The following NRG3 variants were observed in gnomAD, a reference collection of about 807,000 sequenced individuals.
NRG3 encodes pro-neuregulin-3, membrane-bound isoform.
NRG3 carries 31 observed loss-of-function variants against 66.9 expected under a neutral mutation model. The ratio of observed to expected loss-of-function variants is 0.46; its 90% CI spans 0.35 to 0.63. The LOEUF (loss-of-function observed/expected upper bound fraction) is 0.63, where lower values mean the gene tolerates loss of function less well. Ranked by LOEUF, NRG3 falls within the 20% of genes least tolerant of loss-of-function variation. NRG3 has a pLI of 0.00. For synonymous variants in NRG3, 393 were observed against 359.4 expected (o/e 1.09, Z -1.06); for missense variants, 910 against 878.9 (o/e 1.04, Z -0.45).
intron 2 of NRG3, among the ~76,000 whole-genome samples, chr10:82,623,959 TC>T (rs1390444585): frequency 6.6e-6 from 1 of 152,072 alleles, no homozygotes; most frequent in Admixed American, 6.6e-5. Context: ...ACTTTCAAAC[TC>T]CTCCTTGCCC....
At chr10:82,761,922 CTCTTTCTTTCTT>C (rs140350240) in intron 3 of NRG3, among the ~76,000 whole-genome samples, 3,923 of 123,818 alleles carry the variant, frequency 0.032, 85 homozygotes, top group African/African-American at 0.048. Flanking sequence ...TTCTTTCTTT[CTCTTTCTTTCTT>C]TCTTTCTTTC....
intron 1 of NRG3, among the ~76,000 whole-genome samples, chr10:82,345,162 G>A (rs1245687789): frequency 7.0e-6 from 1 of 142,196 alleles, no homozygotes; most frequent in African/African-American, 3.0e-5. Flanking sequence ...GAATGGTAAT[G>A]CCTAGGTTTT....
intron 2 of NRG3, among the ~76,000 whole-genome samples, chr10:82,418,891 A>G (rs1328917069): frequency 1.3e-5 from 2 of 152,144 alleles, no homozygotes; most frequent in Non-Finnish European, 2.9e-5. Flanking sequence ...ACTTAAAAAT[A>G]ACATAAATCA....
At chr10:82,687,361 T>A (rs2054591391) in intron 2 of NRG3, among the ~76,000 whole-genome samples, 1 of 152,126 alleles carries the variant, frequency 6.6e-6, no homozygotes, top group African/African-American at 2.4e-5. Flanking sequence ...CTGCTTGTAA[T>A]TATTCTTCAT....
At chr10:82,600,817 G>C (rs1374161287) in intron 2 of NRG3, among the ~76,000 whole-genome samples, 1 of 151,806 alleles carries the variant, frequency 6.6e-6, no homozygotes, top group African/African-American at 2.4e-5. Flanking sequence ...GATTTATGGG[G>C]TACGTGTGCA....
intron 4 of NRG3, among the ~76,000 whole-genome samples, chr10:82,948,731 T>G (rs1013195818): frequency 6.6e-6 from 1 of 152,144 alleles, no homozygotes; most frequent in Non-Finnish European, 1.5e-5. Context: ...TGATGTACAT[T>G]TATTTTTGTA....
intron 1 of NRG3, among the ~76,000 whole-genome samples, chr10:82,350,037 G>A (rs2083330862): frequency 6.6e-6 from 1 of 152,116 alleles, no homozygotes; most frequent in South Asian, 2.1e-4. Flanking sequence ...CGTCGCTCAC[G>A]CTGGGAGCTG....
At chr10:82,637,128 T>C (rs1054562548) in intron 2 of NRG3, among the ~76,000 whole-genome samples, 1 of 152,182 alleles carries the variant, frequency 6.6e-6, no homozygotes, top group African/African-American at 2.4e-5. Context: ...GTAACTGTTA[T>C]ACTGTATATG....
intron 1 of NRG3, among the ~76,000 whole-genome samples, chr10:82,077,784 T>C (rs548903880): frequency 1.3e-5 from 2 of 152,364 alleles, no homozygotes; most frequent in African/African-American, 4.8e-5. Context: ...CATGATTTTG[T>C]TTATTGAGAC....
chr10:82,268,025 T>C (rs1246777952), intron 1 of NRG3, among the ~76,000 whole-genome samples: 1 of 152,174 alleles, frequency 6.6e-6, no homozygotes, highest in Non-Finnish European at 1.5e-5. Flanking sequence ...GCTAAAACTG[T>C]TACATGAATA....
At chr10:82,752,495 T>C (rs1444998509) in intron 3 of NRG3, among the ~76,000 whole-genome samples, 1 of 152,136 alleles carries the variant, frequency 6.6e-6, no homozygotes, top group Non-Finnish European at 1.5e-5. Context: ...TGATCTAGCT[T>C]TTTCATCTAA....
intron 1 of NRG3, among the ~76,000 whole-genome samples, chr10:82,131,434 C>A (rs1463245332): frequency 6.6e-6 from 1 of 152,136 alleles, no homozygotes; most frequent in Non-Finnish European, 1.5e-5. Flanking sequence ...GTTTGGGTTA[C>A]AATAGCTCTG....
intron 2 of NRG3, among the ~76,000 whole-genome samples, chr10:82,531,418 C>G (rs902821643): frequency 2.0e-5 from 3 of 151,200 alleles, no homozygotes; most frequent in Non-Finnish European, 3.0e-5. Flanking sequence ...TGTTATTTTG[C>G]CTTTATTGCT....
intron 2 of NRG3, among the ~76,000 whole-genome samples, chr10:82,598,057 G>C (rs1389654042): frequency 1.3e-5 from 2 of 152,114 alleles, no homozygotes; most frequent in Non-Finnish European, 2.9e-5. Flanking sequence ...GAGCTCTGCT[G>C]TGTTGCTACA....
intron 2 of NRG3, among the ~76,000 whole-genome samples, chr10:82,547,525 G>A (rs1289886971): frequency 6.6e-6 from 1 of 150,550 alleles, no homozygotes. Context: ...TATATAGTGT[G>A]TATATGTATA....
At chr10:82,390,929 G>C (rs2086319210) in intron 2 of NRG3, among the ~76,000 whole-genome samples, 1 of 152,212 alleles carries the variant, frequency 6.6e-6, no homozygotes, top group South Asian at 2.1e-4. Context: ...TTAGGGGGAA[G>C]TGGGTTGGGA....
intron 2 of NRG3, among the ~76,000 whole-genome samples, chr10:82,569,359 A>C (rs918297008): frequency 6.6e-6 from 1 of 151,850 alleles, no homozygotes; most frequent in Non-Finnish European, 1.5e-5. Context: ...AAGCTGCTTA[A>C]CCTATTGGAA....
At chr10:81,965,419 T>G (rs2059695374) in intron 1 of NRG3, among the ~76,000 whole-genome samples, 1 of 152,204 alleles carries the variant, frequency 6.6e-6, no homozygotes, top group Non-Finnish European at 1.5e-5. Flanking sequence ...AGTTTATATT[T>G]TTTCTTTTGT....
intron 1 of NRG3, among the ~76,000 whole-genome samples, chr10:81,906,576 T>C (rs939371248): frequency 6.6e-6 from 1 of 152,096 alleles, no homozygotes; most frequent in Non-Finnish European, 1.5e-5. Context: ...TGGCGTCCAA[T>C]GTGACATAGA....
Sources: gnomAD v4.1 joint callset for allele counts (sites outside exome capture counted in the v4.1 genomes callset) on GRCh38, gnomAD v4.1.1 for gene constraint, MANE v1.5 for transcripts, NCBI Gene and HGNC (gene_info 2026-07-23, HGNC 2026-07-21) for gene names.